The following DNAH11 variants were observed in gnomAD, a reference collection of about 807,000 sequenced individuals.
DNAH11 encodes axonemal beta dynein heavy chain 11.
A neutral mutation model predicts 526.0 loss-of-function variants in DNAH11; 442 were observed. The ratio of observed to expected loss-of-function variants is 0.84; its 90% CI spans 0.78 to 0.91. DNAH11 has a LOEUF of 0.91. Among genes scored for constraint, DNAH11 ranks in the 40% least tolerant of loss-of-function variants. The probability of loss-of-function intolerance (pLI) is 0.00; values close to 1 mark genes in which losing one functional copy is unlikely to be tolerated. For synonymous variants in DNAH11, 2,461 were observed against 1,935.9 expected, an observed-to-expected ratio of 1.27 and a Z score of -7.12; for missense variants, 6,989 against 5,448.7, an observed-to-expected ratio of 1.28 and a Z score of -8.90.
intron 45 of DNAH11, among the ~76,000 whole-genome samples, chr7:21,730,478 A>G (rs879510470): frequency 2.0e-5 from 3 of 152,242 alleles, no homozygotes; most frequent in Non-Finnish European, 2.9e-5. Context: ...GGTCACAAAC[A>G]TTTCAGATAA....
chr7:21,615,007 C>A, intron 20 of DNAH11, 107 bp from the exon 21 acceptor site: 1 of 1,266,372 alleles, frequency 7.9e-7, no homozygotes, highest in Non-Finnish European at 1.1e-6. Context: ...TTTTTATTTT[C>A]CCGTTAAAAA....
At chr7:21,689,545 G>A (rs1783522032) in intron 34 of DNAH11, among the ~76,000 whole-genome samples, 1 of 152,228 alleles carries the variant, frequency 6.6e-6, no homozygotes, top group Admixed American at 6.5e-5. Flanking sequence ...TTTGACTGTG[G>A]CTGTCCCTCC....
At chr7:21,664,533 A>G (rs1285362020) in intron 30 of DNAH11, among the ~76,000 whole-genome samples, 1 of 152,010 alleles carries the variant, frequency 6.6e-6, no homozygotes, top group Non-Finnish European at 1.5e-5. Context: ...ATCATGGCTC[A>G]CTGCAGCCTC....
chr7:21,638,088 A>G (rs1325291457), intron 27 of DNAH11, among the ~76,000 whole-genome samples: 2 of 152,202 alleles, frequency 1.3e-5, no homozygotes, highest in African/African-American at 4.8e-5. Flanking sequence ...ATTAGAAATT[A>G]TCCTGAGGGA....
At chr7:21,900,962 G>T (rs759370028) in intron 81 of DNAH11, 45 bp from the exon 82 acceptor site, 34 of 1,521,464 alleles carry the variant, frequency 2.2e-5, no homozygotes, top group Non-Finnish European at 3.0e-5. Context: ...ATTATCATTA[G>T]TAGCAAGCTG....
At chr7:21,831,428 ACT>A (rs1781762128) in intron 65 of DNAH11, among the ~76,000 whole-genome samples, 1 of 152,176 alleles carries the variant, frequency 6.6e-6, no homozygotes, top group Non-Finnish European at 1.5e-5. Context: ...GATAAAACCC[ACT>A]GAGTCATTAT....
intron 18 of DNAH11, 78 bp downstream of exon 18, chr7:21,601,696 T>C: frequency 3.7e-6 from 4 of 1,095,234 alleles, no homozygotes; most frequent in Non-Finnish European, 5.1e-6. Context: ...ATGTACTCTC[T>C]TATGATGTCC....
intron 51 of DNAH11, among the ~76,000 whole-genome samples, chr7:21,746,363 G>C (rs758997447): frequency 6.6e-6 from 1 of 152,154 alleles, no homozygotes; most frequent in Non-Finnish European, 1.5e-5. Context: ...CAGCACTTTG[G>C]GAGGCTGAGG....
In DNAH11 at chr7:21,765,610, T is replaced by TCTCACACA. The variant is rs1554278823; in HGVS notation, c.9102+22_9102+23insTCACACAC. 54 of 956,480 alleles carry TCTCACACA rather than the reference T, an allele frequency of 5.6e-5. No individual in the cohort carries two copies. In the East Asian group the frequency reaches 9.7e-4, roughly 17 times the overall value. The allele number at this position is 956,480 out of a possible 1,614,324, so 59.2% of individuals were successfully genotyped here. ...TTGAGGTATGCCGTGTCAGCCTGCG[T>TCTCACACA]CACACACACACACACACACACACAC... On this transcript the variant is annotated intron_variant, in intron 55 of 81. Transcript: ENST00000409508.
intron 2 of DNAH11, among the ~76,000 whole-genome samples, chr7:21,555,939 C>T (rs942314350): frequency 6.6e-6 from 1 of 152,140 alleles, no homozygotes; most frequent in Non-Finnish European, 1.5e-5. Context: ...GACTTGGAGA[C>T]ATGAAGAACA....
rs772691666 is a variant in DNAH11, at chr7:21,779,063, G to A, written c.9442G>A (p.Val3148Met). 2 of 1,613,340 alleles carry A rather than the reference G, an allele frequency of 1.2e-6. No homozygotes were observed. Among genetic ancestry groups the A allele is most frequent in the Non-Finnish European group, 1.7e-6 (2 of 1,179,558 alleles). ...ITKIGLQTEK[V>M]SREKTIADAE... ...AAAGATCGGCCTTCAGACGGAGAAA[G>A]TGAGCCGGGAAAAGACCATCGCTGA... The change falls in exon 57 of 82, where the codon GTG becomes ATG. Residue 3148 changes from valine (V) to methionine (M), a missense_variant. Physicochemically the swap from Val to Met is conservative, Grantham distance 21. Coordinates refer to ENST00000409508, the MANE Select transcript of DNAH11 (RefSeq NM_001277115.2).
chr7:21,896,851 G>C (rs1349903981), intron 79 of DNAH11, among the ~76,000 whole-genome samples: 2 of 152,064 alleles, frequency 1.3e-5, no homozygotes, highest in Non-Finnish European at 2.9e-5. Flanking sequence ...TTGAGCCCAG[G>C]AGTTCGAAGC....
intron 25 of DNAH11, among the ~76,000 whole-genome samples, chr7:21,625,259 G>C (rs1786274767): frequency 1.3e-5 from 2 of 152,024 alleles, no homozygotes; most frequent in South Asian, 4.2e-4. Flanking sequence ...AGTCTTGGTA[G>C]GTTGTATGTT....
At position 21,686,008 on chromosome 7, in the gene DNAH11, A is replaced by G. The variant is rs80289779; in HGVS notation, c.5622-1091A>G. Among the ~76,000 whole-genome samples the G allele has an allele frequency of 4.8e-3, 724 of 152,370 alleles. 3 individuals are homozygous for G. The highest frequency in any genetic ancestry group is 0.016 in the African/African-American group (658 of 41,590). On this transcript the variant is annotated intron_variant, in intron 32 of 81. Transcript: ENST00000409508. ...AAACTTGGAACCACTGGAGAAAATT[A>G]CAAGGCGAAAATCTCTACTACAAAA...
chr7:21,837,222 C>T (rs1357485030), intron 65 of DNAH11, among the ~76,000 whole-genome samples: 1 of 152,134 alleles, frequency 6.6e-6, no homozygotes, highest in East Asian at 1.9e-4. Context: ...TATGATCCAG[C>T]AGTTCTACTA....
Position 21,687,825 on chromosome 7 carries a change from C to T in DNAH11, c.5924+298C>T, listed in dbSNP as rs909344653. On this transcript the variant is annotated intron_variant, in intron 34 of 81. Transcript: ENST00000409508. ...ATCCTGGCACTTTGGGAGTTTGAGG[C>T]GAGAGGATTGTTTGAGCCCAGAAGT... 3.9e-5 allele frequency among the ~76,000 whole-genome samples: 6 copies of T among 152,150 alleles called. No individual in the cohort carries two copies. In the South Asian group the frequency reaches 8.3e-4, roughly 21 times the overall value.
intron 67 of DNAH11, among the ~76,000 whole-genome samples, chr7:21,852,865 T>C (rs1390995212): frequency 3.3e-5 from 5 of 152,224 alleles, no homozygotes; most frequent in African/African-American, 1.2e-4. Flanking sequence ...ACTGTCCGGC[T>C]ATTATTTTTC....
rs1784658095 is a variant in DNAH11 at position 21,591,064 on chromosome 7, T to G, written c.2274+42T>G. ...AAAAAAAAGATACTAGGGCCTATTATGAATATAAATATTTTGAATTTTAAT... is the reference window on the plus strand; with the variant it reads ...AAAAAAAAGATACTAGGGCCTATTAGGAATATAAATATTTTGAATTTTAAT... On this transcript the variant is annotated intron_variant, in intron 13 of 81. Transcript: ENST00000409508. The G allele has an allele frequency of 3.6e-6, 5 of 1,383,938 alleles. No homozygotes were observed. In the African/African-American group the frequency reaches 6.1e-5, roughly 17 times the overall value. The allele number at this position is 1,383,938 out of a possible 1,614,324, so 85.7% of individuals were successfully genotyped here. A position where few individuals can be genotyped will look rare whatever the true frequency, so the allele number is the denominator to read the frequency against.
At chr7:21,677,473 T>C (rs549690027) in intron 30 of DNAH11, among the ~76,000 whole-genome samples, 1 of 152,098 alleles carries the variant, frequency 6.6e-6, no homozygotes, top group Admixed American at 6.6e-5. Flanking sequence ...CCTATACATC[T>C]CAGAGTCAAG....
Sources: allele counts gnomAD v4.1 joint callset (sites outside exome capture counted in the v4.1 genomes callset), GRCh38; gene constraint gnomAD v4.1.1; transcripts MANE v1.5; gene names NCBI Gene and HGNC (gene_info 2026-07-23, HGNC 2026-07-21).